Variants in FBXL17 observed in about 807,000 individuals in gnomAD.
FBXL17 encodes the protein F-box and leucine rich repeat protein 17.
In FBXL17, 22 loss-of-function variants were observed where a neutral mutation model predicts 66.2. The ratio of observed to expected loss-of-function variants is 0.33; its 90% confidence interval spans 0.24 to 0.47. The LOEUF (loss-of-function observed/expected upper bound fraction) is 0.47, where lower values mean the gene tolerates loss of function less well. Among genes scored for constraint, FBXL17 ranks in the 20% least tolerant of loss-of-function variants. FBXL17 has a pLI of 1.00. For missense variants in FBXL17, 878 were observed against 948.2 expected (o/e 0.93, Z 0.97); for synonymous variants, 474 against 400.5 (o/e 1.18, Z -2.19).
At chr5:107,866,906 T>C (rs868468186) in intron 8 of FBXL17, among the ~76,000 whole-genome samples, 1 of 152,206 alleles carries the variant, frequency 6.6e-6, no homozygotes, top group Non-Finnish European at 1.5e-5. Flanking sequence ...TTCTTGCCCA[T>C]TAGAATACAG....
At chr5:108,331,223 C>A (rs1272658318) in intron 4 of FBXL17, among the ~76,000 whole-genome samples, 1 of 152,030 alleles carries the variant, frequency 6.6e-6, no homozygotes, top group African/African-American at 2.4e-5. Context: ...TTCTAAGTAC[C>A]GACTATTCTT....
chr5:108,308,712 T>C (rs1758973713), intron 4 of FBXL17, among the ~76,000 whole-genome samples: 1 of 152,166 alleles, frequency 6.6e-6, no homozygotes, highest in African/African-American at 2.4e-5. Flanking sequence ...TCCTCCATCC[T>C]TTACCTGTAG....
intron 6 of FBXL17, among the ~76,000 whole-genome samples, chr5:108,114,154 G>A (rs1243345346): frequency 2.6e-5 from 4 of 152,054 alleles, no homozygotes; most frequent in African/African-American, 9.7e-5. Flanking sequence ...AAATAAACAA[G>A]AAAGTACCCC....
intron 4 of FBXL17, among the ~76,000 whole-genome samples, chr5:108,322,553 G>C (rs922163371): frequency 2.6e-5 from 4 of 151,866 alleles, no homozygotes; most frequent in African/African-American, 9.7e-5. Context: ...ATTATACATA[G>C]AGAGCAGTGG....
chr5:108,162,296 G>A (rs956444837), intron 6 of FBXL17, among the ~76,000 whole-genome samples: 1 of 151,992 alleles, frequency 6.6e-6, no homozygotes, highest in Non-Finnish European at 1.5e-5. Flanking sequence ...CCAGGTATTT[G>A]AGACCAGCCT....
At chr5:108,117,287 AT>A (rs1750296972) in intron 6 of FBXL17, among the ~76,000 whole-genome samples, 1 of 152,202 alleles carries the variant, frequency 6.6e-6, no homozygotes, top group South Asian at 2.1e-4. Context: ...AATTAAGCAT[AT>A]TGGGGGTTAC....
At chr5:108,273,660 C>G (rs1757368304) in intron 4 of FBXL17, among the ~76,000 whole-genome samples, 2 of 151,728 alleles carry the variant, frequency 1.3e-5, no homozygotes, top group African/African-American at 4.8e-5. Flanking sequence ...CTAAGATTTT[C>G]ACTTCTATGA....
intron 6 of FBXL17, among the ~76,000 whole-genome samples, chr5:108,149,954 G>A (rs1751703398): frequency 6.6e-6 from 1 of 152,020 alleles, no homozygotes; most frequent in Non-Finnish European, 1.5e-5. Context: ...AAAACCTAAT[G>A]TTTGTTAGAA....
At chr5:107,947,865 C>T (rs1479162774) in intron 7 of FBXL17, among the ~76,000 whole-genome samples, 2 of 152,098 alleles carry the variant, frequency 1.3e-5, no homozygotes, top group African/African-American at 4.8e-5. Context: ...TTTAAAAAAA[C>T]TCTCTTTTAC....
At chr5:107,969,299 C>T (rs1392772027) in intron 7 of FBXL17, among the ~76,000 whole-genome samples, 1 of 151,978 alleles carries the variant, frequency 6.6e-6, no homozygotes, top group Non-Finnish European at 1.5e-5. Flanking sequence ...AGAAATTGTT[C>T]GTTTATGATT....
intron 4 of FBXL17, among the ~76,000 whole-genome samples, chr5:108,329,609 A>AT (rs1297841076): frequency 6.6e-6 from 1 of 152,164 alleles, no homozygotes; most frequent in East Asian, 1.9e-4. Context: ...GCTCAATGAA[A>AT]TAAGTCTTTA....
intron 6 of FBXL17, among the ~76,000 whole-genome samples, chr5:108,044,224 A>T (rs1306495680): frequency 4.6e-5 from 7 of 151,418 alleles, no homozygotes; most frequent in Non-Finnish European, 8.8e-5. Flanking sequence ...CTATATTAAG[A>T]GTGGTGAGAG....
chr5:108,219,841 T>C (rs1424618954), intron 5 of FBXL17, among the ~76,000 whole-genome samples: 1 of 151,368 alleles, frequency 6.6e-6, no homozygotes, highest in South Asian at 2.1e-4. Flanking sequence ...ATCTATCTTA[T>C]CAAATCACTA....
rs147948663 is a variant in FBXL17, at chr5:108,308,678, A to G, written c.1506+39721T>C. Among the ~76,000 whole-genome samples the G allele has an allele frequency of 1.1e-3, 164 of 152,300 alleles. 4 individuals are homozygous for G. In the East Asian group the frequency reaches 0.031, roughly 29 times the overall value. On this transcript the variant is annotated intron_variant, in intron 4 of 8. Transcript: ENST00000542267. ...GTGACACATCAGGTTGCTGCTCAGA[A>G]CAGAATTAACTTTGGCCTTCACTTC...
intron 7 of FBXL17, among the ~76,000 whole-genome samples, chr5:107,896,652 G>A (rs1749393189): frequency 6.6e-6 from 1 of 152,138 alleles, no homozygotes; most frequent in African/African-American, 2.4e-5. Flanking sequence ...TAGTGTTGCT[G>A]AAAATGCTCC....
At chr5:108,284,253 T>C (rs1274805299) in intron 4 of FBXL17, among the ~76,000 whole-genome samples, 1 of 151,882 alleles carries the variant, frequency 6.6e-6, no homozygotes, top group Non-Finnish European at 1.5e-5. Context: ...CAAAAAGATA[T>C]CTGCATTCAT....
chr5:107,975,773 C>T (rs2112658917), intron 7 of FBXL17, among the ~76,000 whole-genome samples: 1 of 151,540 alleles, frequency 6.6e-6, no homozygotes, highest in East Asian at 2.0e-4. Context: ...AAAAAGGATG[C>T]ATGGAATCTA....
At chr5:108,212,410 C>T (rs147667439) in intron 5 of FBXL17, among the ~76,000 whole-genome samples, 1,692 of 152,246 alleles carry the variant, frequency 0.011, 16 homozygotes, top group Non-Finnish European at 0.016. Flanking sequence ...GGAGAAGAGG[C>T]TTTCTGGTTT....
At chr5:107,999,908 A>C (rs541790027) in intron 7 of FBXL17, among the ~76,000 whole-genome samples, 2 of 152,348 alleles carry the variant, frequency 1.3e-5, no homozygotes, top group East Asian at 3.9e-4. Flanking sequence ...AAACAAATGG[A>C]CACACCAATT....
Sources: gnomAD v4.1 joint callset for allele counts (sites outside exome capture counted in the v4.1 genomes callset) on GRCh38, gnomAD v4.1.1 for gene constraint, MANE v1.5 for transcripts, NCBI Gene and HGNC (gene_info 2026-07-23, HGNC 2026-07-21) for gene names.